The following DDX4 variants were observed in gnomAD, a reference collection of about 807,000 sequenced individuals.
DDX4 encodes the protein DEAD-box helicase 4.
DDX4 carries 25 observed loss-of-function variants against 100.0 expected under a neutral mutation model. The observed-to-expected ratio is 0.25, with a 90% CI of 0.18 to 0.35. DDX4 has a LOEUF of 0.35. Among genes scored for constraint, DDX4 ranks in the 10% least tolerant of loss-of-function variants. The pLI is 1.00. For missense variants in DDX4, 635 were observed against 882.4 expected, an observed-to-expected ratio of 0.72 and a Z score of 3.55; for synonymous variants, 259 against 275.7, an observed-to-expected ratio of 0.94 and a Z score of 0.60.
intron 4 of DDX4, among the ~76,000 whole-genome samples, chr5:55,762,386 A>G (rs932449097): frequency 6.6e-6 from 1 of 152,192 alleles, no homozygotes; most frequent in Non-Finnish European, 1.5e-5. Flanking sequence ...TTAAAAAGGT[A>G]CAGATAGTAT....
At chr5:55,801,909 A>G (rs892808290) in intron 18 of DDX4, among the ~76,000 whole-genome samples, 1 of 152,224 alleles carries the variant, frequency 6.6e-6, no homozygotes, top group Admixed American at 6.5e-5. Flanking sequence ...ATCTCACTCT[A>G]CGAAAGGTCC....
intron 3 of DDX4, 86 bp from the exon 4 acceptor site, chr5:55,760,114 G>C: frequency 7.2e-7 from 1 of 1,383,436 alleles, no homozygotes; most frequent in African/African-American, 1.6e-5. Flanking sequence ...TTTCTCCTTT[G>C]CCACATGTGG....
rs201596382 is a variant in DDX4, at chr5:55,785,346, T to C, written c.673+2T>C. 4.3e-5 allele frequency: 69 copies of C among 1,604,172 alleles called. No individual in the cohort carries two copies. Among genetic ancestry groups the C allele is most frequent in the Middle Eastern group, 1.7e-4 (1 of 5,956 alleles). ...AAGTAATAACAGGCTCTGGAAAGAG[T>C]AAGTTTTCCTTAAACAAGGTGTTTG... On this transcript the variant is annotated splice_donor_variant, in intron 11 of 21. Coordinates refer to ENST00000505374, the MANE Select transcript of DDX4 (RefSeq NM_024415.3). LOFTEE classifies it high-confidence loss of function.
chr5:55,738,945 A>G lies in DDX4; in HGVS notation c.-14-5A>G. The G allele has an allele frequency of 6.6e-7, 1 of 1,514,244 alleles. No individual in the cohort carries two copies. Among genetic ancestry groups the G allele is most frequent in the Non-Finnish European group, 9.1e-7 (1 of 1,095,952 alleles). 93.8% of individuals were successfully genotyped at this position (1,514,244 alleles called of 1,614,324 possible). ...AAATGTGCATTTTTTTTTTTTTATGAATAGAACTTGAAGCCACCATGGGAG... is the reference window on the plus strand; with the variant it reads ...AAATGTGCATTTTTTTTTTTTTATGGATAGAACTTGAAGCCACCATGGGAG... On this transcript the variant is annotated splice_polypyrimidine_tract_variant and splice_region_variant and intron_variant, in intron 1 of 21. Coordinates refer to ENST00000505374, the MANE Select transcript of DDX4 (RefSeq NM_024415.3).
chr5:55,746,347 TC>T (rs1759249088), intron 3 of DDX4, 126 bp downstream of exon 3: 1 of 690,692 alleles, frequency 1.4e-6, no homozygotes, highest in African/African-American at 1.8e-5. Context: ...GAAAGTTCCT[TC>T]TGATTTGGAT....
At chr5:55,771,944 G>C (rs1741276596) in intron 7 of DDX4, among the ~76,000 whole-genome samples, 2 of 152,148 alleles carry the variant, frequency 1.3e-5, no homozygotes, top group Non-Finnish European at 2.9e-5. Context: ...ATACAGATAG[G>C]CCGGACGCGG....
At chr5:55,755,152 C>T (rs1030703697) in intron 3 of DDX4, among the ~76,000 whole-genome samples, 1 of 152,026 alleles carries the variant, frequency 6.6e-6, no homozygotes, top group Non-Finnish European at 1.5e-5. Context: ...ATTTCTTAAA[C>T]GATTTTGTTC....
intron 18 of DDX4, among the ~76,000 whole-genome samples, chr5:55,808,485 A>G (rs1743895578): frequency 6.6e-6 from 1 of 152,048 alleles, no homozygotes; most frequent in African/African-American, 2.4e-5. Flanking sequence ...TGACGTACAG[A>G]TGGGGTTTTG....
At chr5:55,777,357 A>T (rs1482310694) in intron 7 of DDX4, 2 of 152,172 alleles carry the variant, frequency 1.3e-5, no homozygotes, top group Admixed American at 6.5e-5. Context: ...TAATCCTAGC[A>T]TTTTGGCAGG....
rs201019969 is a variant in DDX4 at position 55,788,047 on chromosome 5, A to AT, written c.1172+54dup. On this transcript the variant is annotated intron_variant, in intron 15 of 21. Coordinates refer to ENST00000505374, the MANE Select transcript of DDX4 (RefSeq NM_024415.3). ...TCACAAAATAGTTTTTTCTTTAGAG[A>AT]TTTTTTTCCCCTCACTTTTGGAAGA... is the stretch of plus-strand genomic sequence containing the variant. The AT allele has an allele frequency of 7.4e-3, 11,180 of 1,518,160 alleles. 59 individuals carry two copies. The highest frequency in any genetic ancestry group is 8.2e-3 in the Non-Finnish European group (9,276 of 1,128,296). 94.0% of individuals were successfully genotyped at this position (1,518,160 alleles called of 1,614,324 possible).
At chr5:55,749,616 G>T (rs747629405) in intron 3 of DDX4, among the ~76,000 whole-genome samples, 21 of 152,204 alleles carry the variant, frequency 1.4e-4, no homozygotes, top group Non-Finnish European at 2.4e-4. Context: ...TTAAGTTTTT[G>T]TAACTGTATA....
intron 16 of DDX4, among the ~76,000 whole-genome samples, chr5:55,792,050 G>A (rs1742598546): frequency 6.7e-6 from 1 of 148,832 alleles, no homozygotes; most frequent in South Asian, 2.1e-4. Context: ...CTTGAACCCA[G>A]GAGGCAGAGG....
chr5:55,803,787 AC>A (rs1409792546), intron 18 of DDX4, among the ~76,000 whole-genome samples: 1 of 152,150 alleles, frequency 6.6e-6, no homozygotes, highest in African/African-American at 2.4e-5. Flanking sequence ...CAATAAACAT[AC>A]GTGTGCATGT....
At chr5:55,739,436 A>T (rs550249709) in intron 2 of DDX4, among the ~76,000 whole-genome samples, 107 of 152,178 alleles carry the variant, frequency 7.0e-4, no homozygotes, top group Non-Finnish European at 1.4e-3. Context: ...GATAAATGAT[A>T]CTAGGCTGAT....
At chr5:55,739,997 G>A (rs1462308613) in intron 2 of DDX4, among the ~76,000 whole-genome samples, 3 of 151,950 alleles carry the variant, frequency 2.0e-5, no homozygotes, top group African/African-American at 7.3e-5. Context: ...CAAAGTGTTG[G>A]GATTACAGGC....
intron 14 of DDX4, 82 bp downstream of exon 14, chr5:55,786,752 T>A: frequency 8.9e-7 from 1 of 1,126,262 alleles, no homozygotes; most frequent in Non-Finnish European, 1.3e-6. Context: ...TTCTTTTGAG[T>A]AGAAGGTTTG....
chr5:55,742,310 C>G (rs1462161564), intron 2 of DDX4: 5 of 448,760 alleles, frequency 1.1e-5, no homozygotes, highest in African/African-American at 2.0e-5. Flanking sequence ...CTCTTGTTAA[C>G]TGACCGTGAA....
intron 18 of DDX4, among the ~76,000 whole-genome samples, chr5:55,802,849 A>G (rs1580599331): frequency 6.6e-6 from 1 of 152,240 alleles, no homozygotes; most frequent in Non-Finnish European, 1.5e-5. Flanking sequence ...TGCTACTGAT[A>G]AATTTTTTTC....
At chr5:55,800,959 G>A (rs1044829193) in intron 18 of DDX4, among the ~76,000 whole-genome samples, 1 of 151,984 alleles carries the variant, frequency 6.6e-6, no homozygotes, top group Admixed American at 6.6e-5. Flanking sequence ...TTATTTCGGA[G>A]TGGCATAGCC....
Sources: gnomAD v4.1 joint callset for allele counts (sites outside exome capture counted in the v4.1 genomes callset) on GRCh38, gnomAD v4.1.1 for gene constraint, MANE v1.5 for transcripts, NCBI Gene and HGNC (gene_info 2026-07-23, HGNC 2026-07-21) for gene names.